Variants in TRMT61B observed in about 807,000 individuals in gnomAD.
The protein encoded by TRMT61B is tRNA methyltransferase 61B.
TRMT61B carries 56 observed loss-of-function variants against 52.0 expected under a neutral mutation model. The observed-to-expected ratio is 1.08, with a 90% CI of 0.87 to 1.35. The LOEUF (loss-of-function observed/expected upper bound fraction) is 1.35. Ranked by LOEUF, TRMT61B falls within the 40% of genes most tolerant of loss-of-function variation. The probability of loss-of-function intolerance (pLI) is 0.00; values close to 1 mark genes in which losing one functional copy is unlikely to be tolerated. For synonymous variants in TRMT61B, 206 were observed against 220.0 expected, an observed-to-expected ratio of 0.94 and a Z score of 0.56; for missense variants, 650 against 577.9, an observed-to-expected ratio of 1.12 and a Z score of -1.28.
intron 3 of TRMT61B, among the ~76,000 whole-genome samples, chr2:28,859,640 C>T (rs1201210870): frequency 1.3e-5 from 2 of 151,862 alleles, no homozygotes; most frequent in African/African-American, 2.4e-5. Flanking sequence ...AATCATCTGG[C>T]ACTATTATTC....
chr2:28,850,167 A>G lies in TRMT61B; in HGVS notation c.*32T>C. ...TAAAGTTCTATTTTGATATTTTTCC[A>G]TCTTCAAGTCAGTTACTGTCATCTG... On this transcript the variant is annotated 3_prime_UTR_variant, in exon 7 of 7. Coordinates refer to ENST00000306108, the MANE Select transcript of TRMT61B (RefSeq NM_017910.4). 1 of 1,587,698 alleles carries G rather than the reference A, an allele frequency of 6.3e-7. No individual in the cohort carries two copies. The highest frequency in any genetic ancestry group is 8.6e-7 in the Non-Finnish European group (1 of 1,164,774).
Position 28,850,096 on chromosome 2 carries a change from A to G in TRMT61B, c.*103T>C. On this transcript the variant is annotated 3_prime_UTR_variant, in exon 7 of 7. Transcript: ENST00000306108. ...TATATGTATAAGTTATATAAGTCAT[A>G]GTAATAGCTAAAAATGCCAATCTAT... 3 of 1,213,108 alleles carry G rather than the reference A, an allele frequency of 2.5e-6. No homozygotes were observed. The highest frequency in any genetic ancestry group is 3.6e-6 in the Non-Finnish European group (3 of 842,394). 75.1% of individuals were successfully genotyped at this position (1,213,108 alleles called of 1,614,324 possible). A position where few individuals can be genotyped will look rare whatever the true frequency, so the allele number is the denominator to read the frequency against.
At chr2:28,864,879 A>C in intron 2 of TRMT61B, 138 bp downstream of exon 2, 2 of 577,306 alleles carry the variant, frequency 3.5e-6, no homozygotes, top group Non-Finnish European at 6.2e-6. Flanking sequence ...AAAGAAAAAT[A>C]GTTGCTTACT....
rs1473550246 is a variant in TRMT61B at position 28,869,751 on chromosome 2, T to C, written c.527A>G (p.Asn176Ser). 1.9e-6 allele frequency: 3 copies of C among 1,614,206 alleles called. No homozygotes were observed. In the South Asian group the frequency reaches 3.3e-5, roughly 18 times the overall value. Residue 176 changes from asparagine (N) to serine (S), a missense_variant, in exon 1 of 7, where the codon AAC (asparagine) becomes AGC (serine). Coordinates refer to ENST00000306108, the MANE Select transcript of TRMT61B (RefSeq NM_017910.4). ...CCAGTTACTATTTAAGAGTCCGAAG[T>C]TGTTCAACCTAAATAATTTCTTAAA... The part of the protein sequence containing the change: ...TKFKKLFRLN[N>S]FGLLNSNWGA...
At chr2:28,853,821 G>C (rs964316526) in intron 3 of TRMT61B, among the ~76,000 whole-genome samples, 4 of 135,314 alleles carry the variant, frequency 3.0e-5, no homozygotes, top group African/African-American at 1.1e-4. Context: ...GGGTGACAGA[G>C]TGAGATTCTG....
intron 1 of TRMT61B, 52 bp downstream of exon 1, chr2:28,869,527 T>A (rs1160414994): frequency 7.8e-7 from 1 of 1,285,074 alleles, no homozygotes; most frequent in Non-Finnish European, 1.1e-6. Context: ...GAGTACTGCA[T>A]CTGTCTTTGC....
chr2:28,851,756 G>A (rs1265602788), intron 4 of TRMT61B, among the ~76,000 whole-genome samples: 1 of 151,016 alleles, frequency 6.6e-6, no homozygotes, highest in Non-Finnish European at 1.5e-5. Context: ...GCGCATACCT[G>A]TAATCCCAGC....
chr2:28,860,005 C>T (rs189196733), intron 3 of TRMT61B, among the ~76,000 whole-genome samples: 1 of 152,194 alleles, frequency 6.6e-6, no homozygotes, highest in Non-Finnish European at 1.5e-5. Flanking sequence ...GGCACAGTGG[C>T]TCATGCCTGT....
intron 2 of TRMT61B, 84 bp downstream of exon 2, chr2:28,864,933 C>A (rs13030945): frequency 0.46 from 368,558 of 809,276 alleles, 89,188 homozygotes; most frequent in Middle Eastern, 0.54. Flanking sequence ...GGTATTTTCC[C>A]AAATATCTTT....
chr2:28,854,449 A>T (rs931087129), intron 3 of TRMT61B, among the ~76,000 whole-genome samples: 1 of 151,758 alleles, frequency 6.6e-6, no homozygotes, highest in Non-Finnish European at 1.5e-5. Context: ...TTATAAAAAT[A>T]AAAAAAATGG....
intron 3 of TRMT61B, 99 bp from the exon 4 acceptor site, chr2:28,852,598 C>A: frequency 1.4e-6 from 1 of 728,028 alleles, no homozygotes; most frequent in South Asian, 1.8e-5. Context: ...GGACAGCAAT[C>A]AAAGTATTTC....
At chr2:28,867,917 T>C (rs1439609927) in intron 1 of TRMT61B, among the ~76,000 whole-genome samples, 1 of 151,982 alleles carries the variant, frequency 6.6e-6, no homozygotes, top group Admixed American at 6.6e-5. Flanking sequence ...CTAGGCATAG[T>C]GGCATGCACC....
At position 28,870,291 on chromosome 2, in the gene TRMT61B, G is replaced by A. The variant is rs1378100281; in HGVS notation, c.-14C>T. The A allele has an allele frequency of 2.0e-6, 3 of 1,530,012 alleles. No homozygotes were observed. The highest frequency in any genetic ancestry group is 2.8e-5 in the African/African-American group (2 of 72,524). 94.8% of individuals were successfully genotyped at this position (1,530,012 alleles called of 1,614,324 possible). A position where few individuals can be genotyped will look rare whatever the true frequency, so the allele number is the denominator to read the frequency against. ...TGCCATTAGCATAGTGTTTCGCGAAGGCGCCGTCGCAGACGAGTGACGCAA... is the reference window on the plus strand; with the variant it reads ...TGCCATTAGCATAGTGTTTCGCGAAAGCGCCGTCGCAGACGAGTGACGCAA... On this transcript the variant is annotated 5_prime_UTR_variant, in exon 1 of 7. Transcript: ENST00000306108.
intron 1 of TRMT61B, among the ~76,000 whole-genome samples, chr2:28,868,112 C>T (rs1262272430): frequency 2.0e-5 from 3 of 152,032 alleles, no homozygotes; most frequent in Non-Finnish European, 4.4e-5. Context: ...TTTTTTTAGT[C>T]CCTGGGTAGA....
rs763840066 is a variant in TRMT61B at position 28,852,512 on chromosome 2, A to G, written c.994-13T>C. 7 of 1,542,510 alleles carry G rather than the reference A, an allele frequency of 4.5e-6. No homozygotes were observed. The highest frequency in any genetic ancestry group is 6.2e-6 in the Non-Finnish European group (7 of 1,124,116). ...TATCCAAAGCTACCTGTGTGGGGGA[A>G]AAAGAGAACTGGATCAGTCTGATTC... On this transcript the variant is annotated splice_polypyrimidine_tract_variant and intron_variant, in intron 3 of 6. Coordinates refer to ENST00000306108, the MANE Select transcript of TRMT61B (RefSeq NM_017910.4).
intron 3 of TRMT61B, among the ~76,000 whole-genome samples, chr2:28,858,242 A>G (rs904072818): frequency 8.6e-5 from 13 of 151,814 alleles, no homozygotes; most frequent in Non-Finnish European, 1.6e-4. Context: ...GGGTTTCACC[A>G]TGTTAGCCAG....
chr2:28,860,376 A>C (rs1484826652), intron 3 of TRMT61B, among the ~76,000 whole-genome samples: 1 of 150,520 alleles, frequency 6.6e-6, no homozygotes, highest in Non-Finnish European at 1.5e-5. Flanking sequence ...CAGCCAATTA[A>C]GGAAAGGAAG....
chr2:28,859,581 C>A (rs1669509429), intron 3 of TRMT61B, among the ~76,000 whole-genome samples: 1 of 151,446 alleles, frequency 6.6e-6, no homozygotes, highest in African/African-American at 2.4e-5. Context: ...ATATAACTCT[C>A]CCCCAGCAGC....
chr2:28,858,847 G>A (rs1244433945), intron 3 of TRMT61B, among the ~76,000 whole-genome samples: 1 of 148,228 alleles, frequency 6.7e-6, no homozygotes, highest in African/African-American at 2.5e-5. Context: ...TTCAGCAGGA[G>A]AATGACAGTA....
Sources: allele counts gnomAD v4.1 joint callset (sites outside exome capture counted in the v4.1 genomes callset), GRCh38; gene constraint gnomAD v4.1.1; transcripts MANE v1.5; gene names NCBI Gene and HGNC (gene_info 2026-07-23, HGNC 2026-07-21).